Variants in SLC16A9 observed in about 807,000 individuals in gnomAD.
The protein encoded by SLC16A9 is solute carrier family 16 member 9, also known as monocarboxylate transporter 9.
Under a neutral mutation model 44.3 loss-of-function variants are expected in SLC16A9, and 26 were observed. The ratio of observed to expected loss-of-function variants is 0.59; its 90% confidence interval spans 0.43 to 0.81. The LOEUF (loss-of-function observed/expected upper bound fraction) is 0.81, where lower values mean the gene tolerates loss of function less well. Among genes scored for constraint, SLC16A9 ranks in the 40% least tolerant of loss-of-function variants. SLC16A9 has a pLI of 0.00. For synonymous variants in SLC16A9, 230 were observed against 225.1 expected (o/e 1.02, Z -0.19); for missense variants, 559 against 595.8 (o/e 0.94, Z 0.64).
At chr10:59,706,110 C>A (rs77820857) in intron 1 of SLC16A9, among the ~76,000 whole-genome samples, 5,782 of 152,300 alleles carry the variant, frequency 0.038, 395 homozygotes, top group African/African-American at 0.13. Context: ...TCACACTTAG[C>A]CTTGAATGAA....
intron 4 of SLC16A9, among the ~76,000 whole-genome samples, chr10:59,661,783 A>C (rs1295406980): frequency 6.6e-6 from 1 of 151,546 alleles, no homozygotes; most frequent in Non-Finnish European, 1.5e-5. Context: ...GTACCAAAAC[A>C]GAGATATAGA....
At chr10:59,693,526 T>TAC (rs1028421519) in intron 1 of SLC16A9, among the ~76,000 whole-genome samples, 1 of 152,056 alleles carries the variant, frequency 6.6e-6, no homozygotes, top group South Asian at 2.1e-4. Flanking sequence ...TGTCTATATA[T>TAC]ACACACACAC....
At chr10:59,662,837 G>A (rs1319055536) in intron 4 of SLC16A9, among the ~76,000 whole-genome samples, 1 of 151,754 alleles carries the variant, frequency 6.6e-6, no homozygotes, top group Admixed American at 6.6e-5. Context: ...AAATAGGAAT[G>A]CTTTTACACT....
rs566175112 is a variant in SLC16A9, at chr10:59,682,131, G to A, written c.196+1965C>T. Reference sequence around the variant, plus strand: ...AATTAGCTTCTGACTCCACCCTCAAGCTCCTTCAAGTACTTGTTGTCTCCC... The same window carrying A: ...AATTAGCTTCTGACTCCACCCTCAAACTCCTTCAAGTACTTGTTGTCTCCC... On this transcript the variant is annotated intron_variant, in intron 2 of 5. Transcript: ENST00000395348. Among the ~76,000 whole-genome samples the A allele has an allele frequency of 1.7e-4, 26 of 152,116 alleles. No individual in the cohort carries two copies. The South Asian group carries it at 5.0e-3, about 29-fold the overall frequency.
At chr10:59,696,709 C>T (rs1483085623) in intron 1 of SLC16A9, among the ~76,000 whole-genome samples, 2 of 151,108 alleles carry the variant, frequency 1.3e-5, no homozygotes, top group Non-Finnish European at 3.0e-5. Flanking sequence ...AGCACCTCTG[C>T]CCTGCCGCCC....
intron 3 of SLC16A9, among the ~76,000 whole-genome samples, chr10:59,669,532 A>G (rs1354065228): frequency 6.6e-6 from 1 of 152,230 alleles, no homozygotes; most frequent in Admixed American, 6.5e-5. Context: ...ATGAAGATCT[A>G]TTTAAAGTAC....
At chr10:59,656,556 A>G (rs1239334903) in intron 4 of SLC16A9, among the ~76,000 whole-genome samples, 2 of 152,188 alleles carry the variant, frequency 1.3e-5, no homozygotes, top group Non-Finnish European at 2.9e-5. Context: ...TTCATCCCAC[A>G]AGAACATGTC....
chr10:59,668,738 T>A (rs1182933096), intron 3 of SLC16A9, among the ~76,000 whole-genome samples: 1 of 152,240 alleles, frequency 6.6e-6, no homozygotes, highest in Non-Finnish European at 1.5e-5. Context: ...TATATTGGTA[T>A]ACTTTTTTCA....
chr10:59,697,200 C>T (rs1840412262), intron 1 of SLC16A9, among the ~76,000 whole-genome samples: 2 of 151,060 alleles, frequency 1.3e-5, no homozygotes, highest in African/African-American at 4.8e-5. Flanking sequence ...TGAGGAGCCC[C>T]TCTGCCCGGC....
chr10:59,694,813 T>C (rs1234243996), intron 1 of SLC16A9, among the ~76,000 whole-genome samples: 6 of 45,796 alleles, frequency 1.3e-4, no homozygotes, highest in Non-Finnish European at 3.3e-4. Flanking sequence ...TATATATATA[T>C]ATATACACAC....
At chr10:59,661,843 C>T (rs185053422) in intron 4 of SLC16A9, among the ~76,000 whole-genome samples, 5 of 151,496 alleles carry the variant, frequency 3.3e-5, no homozygotes, top group East Asian at 1.9e-4. Flanking sequence ...CATATACAAC[C>T]ATCTGATCTT....
chr10:59,684,973 TCAA>T (rs1840101160), intron 1 of SLC16A9, among the ~76,000 whole-genome samples: 1 of 152,160 alleles, frequency 6.6e-6, no homozygotes, highest in Non-Finnish European at 1.5e-5. Context: ...GGCAGCATTC[TCAA>T]CAGCTGGGGC....
rs780321859 is a variant in SLC16A9, at chr10:59,654,185, G to C, written c.841C>G (p.Gln281Glu). ...KVAEQTYFCKQLAKRKWQLYK... is the reference protein window; with the variant it reads ...KVAEQTYFCKELAKRKWQLYK... ...AACTGCCACTTCCTCTTGGCAAGCTGTTTGCAAAAATATGTCTGTTCTGCA... is the reference window on the plus strand; with the variant it reads ...AACTGCCACTTCCTCTTGGCAAGCTCTTTGCAAAAATATGTCTGTTCTGCA... Residue 281 changes from glutamine to glutamate, a missense_variant, in exon 5 of 6, where the codon CAG becomes GAG. Gln to Glu is a conservative substitution (Grantham distance 29). Coordinates refer to ENST00000395348, the MANE Select transcript of SLC16A9 (RefSeq NM_194298.3). The C allele has an allele frequency of 3.1e-6, 5 of 1,614,028 alleles. No individual in the cohort carries two copies. The South Asian group carries it at 5.5e-5, about 18-fold the overall frequency.
At chr10:59,677,001 T>A (rs1171604) in intron 2 of SLC16A9, among the ~76,000 whole-genome samples, 144,412 of 149,656 alleles carry the variant, frequency 0.96, 69,910 homozygotes, top group East Asian at 1. Context: ...TTAAATAAGC[T>A]AATAGTGAGA....
At chr10:59,665,200 C>T (rs1839581698) in intron 3 of SLC16A9, among the ~76,000 whole-genome samples, 1 of 152,110 alleles carries the variant, frequency 6.6e-6, no homozygotes, top group African/African-American at 2.4e-5. Context: ...ATATAATTCT[C>T]CGTTGGCCCT....
In SLC16A9 at chr10:59,672,888, T is replaced by C. The variant is rs773224429; in HGVS notation, c.222A>G (p.Ser74=). The part of the protein sequence containing the change: ...LASPVCSLCV[S]SFGARPVTIF... ...TTGTGACAGGTCTTGCTCCAAAAGA[T>C]GAGACACAGAGACTGCAGACAGGAC... The change falls in exon 3 of 6, where the codon TCA becomes TCG. Residue 74 remains serine (S), a synonymous_variant. Transcript: ENST00000395348. 2 of 1,613,102 alleles carry C rather than the reference T, an allele frequency of 1.2e-6. No individual in the cohort carries two copies. The highest frequency in any genetic ancestry group is 2.2e-5 in the East Asian group (1 of 44,830).
chr10:59,694,982 G>T (rs941356692), intron 1 of SLC16A9, among the ~76,000 whole-genome samples: 1 of 151,506 alleles, frequency 6.6e-6, no homozygotes, highest in African/African-American at 2.4e-5. Flanking sequence ...AATAAAAAGG[G>T]ATGGAATGCT....
intron 4 of SLC16A9, 25 bp downstream of exon 4, chr10:59,664,202 T>C (rs1332112801): frequency 2.6e-6 from 4 of 1,538,794 alleles, no homozygotes; most frequent in South Asian, 1.1e-5. Flanking sequence ...ATGGTGACAA[T>C]ACTGTACTCA....
intron 1 of SLC16A9, among the ~76,000 whole-genome samples, chr10:59,685,692 C>T (rs935364172): frequency 9.9e-5 from 15 of 152,194 alleles, no homozygotes; most frequent in Non-Finnish European, 1.0e-4. Context: ...AAAAACCTTA[C>T]ATATTCATAT....
Sources: allele counts gnomAD v4.1 joint callset (sites outside exome capture counted in the v4.1 genomes callset), GRCh38; gene constraint gnomAD v4.1.1; transcripts MANE v1.5; gene names NCBI Gene and HGNC (gene_info 2026-07-23, HGNC 2026-07-21).